NHSL2: variants seen among roughly 807,000 people sequenced by gnomAD.
The protein encoded by NHSL2 is NHS-like protein 2.
Under a neutral mutation model 53.4 loss-of-function variants are expected in NHSL2, and 27 were observed. The ratio of observed to expected loss-of-function variants is 0.51; its 90% CI spans 0.37 to 0.70. The LOEUF (loss-of-function observed/expected upper bound fraction) is 0.70, where lower values mean the gene tolerates loss of function less well. Among genes scored for constraint, NHSL2 ranks in the 30% least tolerant of loss-of-function variants. NHSL2 has a pLI of 0.00. For synonymous variants in NHSL2, 408 were observed against 404.1 expected, an observed-to-expected ratio of 1.01 and a Z score of -0.12; for missense variants, 892 against 980.1, an observed-to-expected ratio of 0.91 and a Z score of 1.20.
chrX:71,994,298 C>CTGTGTGTGTGTGTG (rs10673341), intron 1 of NHSL2, among the ~76,000 whole-genome samples: 6,006 of 89,940 alleles, frequency 0.067, 299 homozygotes, highest in African/African-American at 0.13. Flanking sequence ...GAGGCTCCCT[C>CTGTGTGTGTGTGTG]TGTGTGTGTG....
intron 1 of NHSL2, among the ~76,000 whole-genome samples, chrX:72,056,909 A>G: frequency 8.9e-6 from 1 of 112,363 alleles, no homozygotes; most frequent in African/African-American, 3.2e-5. Context: ...CTTTTAGACG[A>G]TGATATCATC....
chrX:72,071,015 G>A, intron 1 of NHSL2, among the ~76,000 whole-genome samples: 1 of 111,783 alleles, frequency 8.9e-6, no homozygotes. Context: ...AGTTGTCCAA[G>A]GCCAGCCAGT....
intron 1 of NHSL2, among the ~76,000 whole-genome samples, chrX:71,946,552 A>G (rs1184550209): frequency 8.9e-6 from 1 of 111,800 alleles, no homozygotes; most frequent in Non-Finnish European, 1.9e-5. Context: ...GGAGACTGAC[A>G]GGGAGCGGTC....
At chrX:71,958,971 T>C (rs1219440214) in intron 1 of NHSL2, among the ~76,000 whole-genome samples, 1 of 112,147 alleles carries the variant, frequency 8.9e-6, no homozygotes, top group African/African-American at 3.2e-5. Context: ...CTGTACAGTC[T>C]GAAGGCTGGC....
rs771861949 is a variant in NHSL2 at position 72,100,552 on chromosome X, C to T, written c.281-31527C>T. Among the ~76,000 whole-genome samples, 167 of 112,405 alleles carry T rather than the reference C, an allele frequency of 1.5e-3. No individual in the cohort carries two copies. The Middle Eastern group carries it at 0.019, about 13-fold the overall frequency. ...GTCCATGACCTGTTAAGAACTGGGT[C>T]ACACAGCAGGAGGTGAGTGGCAGGC... On this transcript the variant is annotated intron_variant, in intron 1 of 7. Transcript: ENST00000633930.
chrX:72,140,026 C>A lies in NHSL2; in HGVS notation c.2478C>A (p.Ser826=), dbSNP rs747502542. 3 of 1,209,921 alleles carry A rather than the reference C, an allele frequency of 2.5e-6. No homozygotes were observed. Among genetic ancestry groups the A allele is most frequent in the Non-Finnish European group, 3.4e-6 (3 of 894,497 alleles). The change falls in exon 6 of 8, where the codon TCC becomes TCA. Residue 826 remains serine, a synonymous_variant. Transcript: ENST00000633930. The part of the protein sequence containing the change: ...NQPIMPMVTQ[S]DLRSVRLRSV... ...CAATCATGCCTATGGTTACTCAGTC[C>A]GACCTACGTTCTGTTCGCCTGAGGT...
At chrX:72,127,091 A>G (rs1429888227) in intron 1 of NHSL2, 7 of 112,112 alleles carry the variant, frequency 6.2e-5, no homozygotes, top group Admixed American at 9.5e-5. Flanking sequence ...TGCTTGCTCA[A>G]TAACAAAGAG....
chrX:71,976,569 TA>T (rs1027352377), intron 1 of NHSL2, among the ~76,000 whole-genome samples: 2 of 111,532 alleles, frequency 1.8e-5, no homozygotes, highest in African/African-American at 3.3e-5. Context: ...CCTGTCTTAT[TA>T]ATTTTTTTCT....
intron 1 of NHSL2, among the ~76,000 whole-genome samples, chrX:72,065,374 G>A (rs764621857): frequency 2.7e-5 from 3 of 112,392 alleles, no homozygotes; most frequent in Non-Finnish European, 3.8e-5. Context: ...TCATGAATAC[G>A]TGGAAGATTT....
rs2042485043 is a variant in NHSL2, at chrX:72,148,840, AT to A, written c.*5267del. The A allele has an allele frequency of 1.5e-4, 13 of 85,960 alleles. No individual in the cohort carries two copies. The highest frequency in any genetic ancestry group is 8.2e-4 in the East Asian group (2 of 2,439). 7.1% of individuals were successfully genotyped at this position (85,960 alleles called of 1,213,427 possible). On this transcript the variant is annotated 3_prime_UTR_variant, in exon 8 of 8. Transcript: ENST00000633930. ...GGAGAAAGAGAGAGAGAGAGAGTGT[AT>A]GTGTGTGTGTGTGTGTGTGTGTGTG... is the stretch of plus-strand genomic sequence containing the variant.
intron 1 of NHSL2, among the ~76,000 whole-genome samples, chrX:72,028,002 G>GCTGCTGCTGCCA (rs1278347204): frequency 1.2e-4 from 13 of 111,879 alleles, no homozygotes; most frequent in African/African-American, 2.3e-4. Flanking sequence ...TGCCGCTGCT[G>GCTGCTGCTGCCA]CTGCTGCTGC....
intron 1 of NHSL2, among the ~76,000 whole-genome samples, chrX:71,941,299 C>T (rs572279976): frequency 2.7e-5 from 3 of 112,049 alleles, no homozygotes; most frequent in African/African-American, 9.7e-5. Context: ...TCATTGTATT[C>T]ATGTTTGACT....
Position 72,030,626 on chromosome X carries a change from A to C in NHSL2, c.281-101453A>C, listed in dbSNP as rs754995661. 1.5e-3 allele frequency among the ~76,000 whole-genome samples: 166 copies of C among 111,704 alleles called. 1 individual carries two copies. The highest frequency in any genetic ancestry group is 5.2e-3 in the African/African-American group (159 of 30,700). ...GTATTTACACGCACCAAGTGCTGCA[A>C]TCAAATGTTTGTGATCAGTGGCATG... On this transcript the variant is annotated intron_variant, in intron 1 of 7. Transcript: ENST00000633930.
chrX:71,983,765 G>T (rs978830204), intron 1 of NHSL2, among the ~76,000 whole-genome samples: 2 of 112,115 alleles, frequency 1.8e-5, no homozygotes, highest in African/African-American at 6.5e-5. Flanking sequence ...GACCTTATAG[G>T]GTAACTTCCT....
At chrX:71,945,873 A>G (rs1359649230) in intron 1 of NHSL2, among the ~76,000 whole-genome samples, 2 of 111,932 alleles carry the variant, frequency 1.8e-5, no homozygotes, top group Non-Finnish European at 3.8e-5. Context: ...GAGCTTTGCC[A>G]AGTATTACCC....
intron 1 of NHSL2, among the ~76,000 whole-genome samples, chrX:72,094,432 C>T (rs1326567989): frequency 1.8e-5 from 2 of 111,054 alleles, no homozygotes; most frequent in Non-Finnish European, 3.8e-5. Flanking sequence ...TATTTTATTT[C>T]TTTAGGAAAA....
intron 1 of NHSL2, among the ~76,000 whole-genome samples, chrX:71,928,181 A>G (rs902335208): frequency 1.8e-5 from 2 of 112,333 alleles, no homozygotes; most frequent in Non-Finnish European, 3.8e-5. Flanking sequence ...AGTTATTGCA[A>G]AAAATGAGCT....
chrX:71,924,051 A>G (rs1005342421), intron 1 of NHSL2, among the ~76,000 whole-genome samples: 2 of 111,745 alleles, frequency 1.8e-5, no homozygotes, highest in Non-Finnish European at 3.8e-5. Context: ...TTCCTACCCC[A>G]CTCATTGTAC....
chrX:71,938,178 A>G (rs1023241485), intron 1 of NHSL2, among the ~76,000 whole-genome samples: 13 of 112,095 alleles, frequency 1.2e-4, no homozygotes, highest in African/African-American at 3.6e-4. Flanking sequence ...ACTTGCTCCT[A>G]GCTGATGAAG....
Sources: allele counts gnomAD v4.1 joint callset (sites outside exome capture counted in the v4.1 genomes callset), GRCh38; gene constraint gnomAD v4.1.1; transcripts MANE v1.5; gene names NCBI Gene and HGNC (gene_info 2026-07-23, HGNC 2026-07-21).